Variants in SIPA1L2 observed in about 807,000 individuals in gnomAD.
SIPA1L2 encodes signal induced proliferation associated 1 like 2, also known as signal-induced proliferation-associated 1-like protein 2.
Under a neutral mutation model 163.9 loss-of-function variants are expected in SIPA1L2, and 56 were observed. The observed-to-expected ratio is 0.34, with a 90% CI of 0.28 to 0.43. SIPA1L2 has a LOEUF of 0.43. Among genes scored for constraint, SIPA1L2 ranks in the 20% least tolerant of loss-of-function variants. The pLI is 1.00. For missense variants in SIPA1L2, 1,974 were observed against 2,193.5 expected (o/e 0.90, Z 2.00); for synonymous variants, 877 against 865.7 (o/e 1.01, Z -0.23).
intron 2 of SIPA1L2, among the ~76,000 whole-genome samples, chr1:232,540,725 AAG>A (rs567809990): frequency 6.6e-6 from 1 of 152,060 alleles, no homozygotes; most frequent in Non-Finnish European, 1.5e-5. Flanking sequence ...AGGCAAATGC[AAG>A]AGAGAGAGAG....
intron 6 of SIPA1L2, 145 bp downstream of exon 6, chr1:232,483,647 G>GAA: frequency 1.2e-6 from 1 of 802,080 alleles, no homozygotes; most frequent in Non-Finnish European, 2.0e-6. Flanking sequence ...TTCATCTGAG[G>GAA]AAATCTAAAC....
intron 1 of SIPA1L2, among the ~76,000 whole-genome samples, chr1:232,584,574 G>A (rs1660554695): frequency 6.6e-6 from 1 of 152,154 alleles, no homozygotes; most frequent in Admixed American, 6.5e-5. Context: ...CATTCTGAAG[G>A]CTCTCATGTG....
rs544666017 is a variant in SIPA1L2, at chr1:232,406,413, T to C, written c.4763-2235A>G. Among the ~76,000 whole-genome samples the C allele has an allele frequency of 7.9e-4, 120 of 152,342 alleles. 1 individual carries two copies. Among genetic ancestry groups the C allele is most frequent in the African/African-American group, 2.7e-3 (113 of 41,586 alleles). On this transcript the variant is annotated intron_variant, in intron 19 of 22. Coordinates refer to ENST00000674635, the MANE Select transcript of SIPA1L2 (RefSeq NM_020808.5). ...CAAAACAATCCATCCTTTAAAATAA[T>C]CTTTTAAAAAACCTTATTTCAATGT...
intron 5 of SIPA1L2, among the ~76,000 whole-genome samples, chr1:232,486,103 T>C (rs1424530978): frequency 6.6e-6 from 1 of 152,136 alleles, no homozygotes; most frequent in African/African-American, 2.4e-5. Context: ...TGCTCTGGCA[T>C]CTGCAAGAGG....
At chr1:232,468,856 TAA>T (rs2102940308) in intron 8 of SIPA1L2, among the ~76,000 whole-genome samples, 1 of 152,336 alleles carries the variant, frequency 6.6e-6, no homozygotes, top group Non-Finnish European at 1.5e-5. Context: ...AGCTACAAAT[TAA>T]AGAGTCTTTT....
At chr1:232,518,750 C>T (rs1667322810) in intron 2 of SIPA1L2, among the ~76,000 whole-genome samples, 1 of 152,204 alleles carries the variant, frequency 6.6e-6, no homozygotes, top group African/African-American at 2.4e-5. Context: ...CTTCCTGCTT[C>T]TCTCTGTGTG....
intron 1 of SIPA1L2, among the ~76,000 whole-genome samples, chr1:232,589,709 C>G (rs1195305814): frequency 6.6e-6 from 1 of 152,164 alleles, no homozygotes; most frequent in Non-Finnish European, 1.5e-5. Flanking sequence ...GCTGATCTTC[C>G]CTCAACTCTC....
chr1:232,519,573 A>C (rs1197665809), intron 2 of SIPA1L2, among the ~76,000 whole-genome samples: 4 of 152,162 alleles, frequency 2.6e-5, no homozygotes, highest in African/African-American at 9.7e-5. Flanking sequence ...AGCAGCTGTG[A>C]ATCACACCTG....
intron 3 of SIPA1L2, among the ~76,000 whole-genome samples, chr1:232,513,549 T>A (rs1245689106): frequency 6.6e-6 from 1 of 152,086 alleles, no homozygotes; most frequent in Non-Finnish European, 1.5e-5. Context: ...TTACAAGGGA[T>A]GAAATCTAAA....
chr1:232,402,964 T>C (rs1178108014), intron 21 of SIPA1L2, among the ~76,000 whole-genome samples: 1 of 152,152 alleles, frequency 6.6e-6, no homozygotes, highest in East Asian at 1.9e-4. Flanking sequence ...ATGTCATGAA[T>C]ATAGGGGAAA....
chr1:232,542,090 T>C (rs1451975257), intron 2 of SIPA1L2, among the ~76,000 whole-genome samples: 1 of 152,250 alleles, frequency 6.6e-6, no homozygotes, highest in Non-Finnish European at 1.5e-5. Flanking sequence ...AATGATGTAA[T>C]GATTTAAAGT....
intron 2 of SIPA1L2, among the ~76,000 whole-genome samples, chr1:232,568,298 C>T (rs943988305): frequency 3.3e-5 from 5 of 152,190 alleles, no homozygotes; most frequent in African/African-American, 1.2e-4. Context: ...CCTGTGGGAT[C>T]TGACACTATC....
intron 1 of SIPA1L2, among the ~76,000 whole-genome samples, chr1:232,617,024 G>C (rs1362836868): frequency 2.0e-5 from 3 of 152,090 alleles, no homozygotes; most frequent in South Asian, 4.1e-4. Flanking sequence ...ACTGAACTCA[G>C]GAAATTTTTT....
chr1:232,496,099 T>C (rs1666176962), intron 3 of SIPA1L2, among the ~76,000 whole-genome samples: 1 of 152,252 alleles, frequency 6.6e-6, no homozygotes, highest in Non-Finnish European at 1.5e-5. Context: ...AACTCACTAC[T>C]CAATCACTGA....
Position 232,514,072 on chromosome 1 carries a change from C to T in SIPA1L2, c.1268G>A (p.Arg423Gln), listed in dbSNP as rs202223211. 1.4e-5 allele frequency: 23 copies of T among 1,614,032 alleles called. No individual in the cohort carries two copies. The highest frequency in any genetic ancestry group is 6.7e-5 in the African/African-American group (5 of 74,910). The stretch of plus-strand genomic sequence containing the variant: ...TGAGTTGGCTCGAGAGAGCGCAATC[C>T]GCCTGTCGCCTTCCCCTCCAGTCTC... ...RNETGGEGDR[R>Q]IALSRANSSS... Residue 423 changes from arginine to glutamine, a missense_variant, in exon 3 of 23, where the codon CGG (arginine) becomes CAG (glutamine). Coordinates refer to ENST00000674635, the MANE Select transcript of SIPA1L2 (RefSeq NM_020808.5).
At chr1:232,475,395 G>T (rs1437537590) in intron 7 of SIPA1L2, among the ~76,000 whole-genome samples, 1 of 152,128 alleles carries the variant, frequency 6.6e-6, no homozygotes, top group African/African-American at 2.4e-5. Flanking sequence ...ACATACATAT[G>T]CATGTACATA....
chr1:232,588,517 A>C (rs540213559), intron 1 of SIPA1L2, among the ~76,000 whole-genome samples: 34 of 152,354 alleles, frequency 2.2e-4, no homozygotes, highest in African/African-American at 8.2e-4. Flanking sequence ...CATGATATTC[A>C]AAATAATACC....
At position 232,457,658 on chromosome 1, in the gene SIPA1L2, A is replaced by T. The variant is rs75199237; in HGVS notation, c.3095+3229T>A. Reference sequence around the variant, plus strand: ...GCTATATGGTTAACAGTACTAAAGGATGTTTGATTTAAAGGGTTTGTATTT... The same window carrying T: ...GCTATATGGTTAACAGTACTAAAGGTTGTTTGATTTAAAGGGTTTGTATTT... On this transcript the variant is annotated intron_variant, in intron 10 of 22. Transcript: ENST00000674635. Among the ~76,000 whole-genome samples, 1,396 of 152,306 alleles carry T rather than the reference A, an allele frequency of 9.2e-3. 25 individuals carry two copies. The highest frequency in any genetic ancestry group is 0.032 in the African/African-American group (1,348 of 41,566).
At chr1:232,530,155 G>C (rs1033100488) in intron 2 of SIPA1L2, among the ~76,000 whole-genome samples, 2 of 150,722 alleles carry the variant, frequency 1.3e-5, no homozygotes, top group Non-Finnish European at 3.0e-5. Context: ...TTGCTCTGTC[G>C]CCAGGCTGGA....
Sources: allele counts gnomAD v4.1 joint callset (sites outside exome capture counted in the v4.1 genomes callset), GRCh38; gene constraint gnomAD v4.1.1; transcripts MANE v1.5; gene names NCBI Gene and HGNC (gene_info 2026-07-23, HGNC 2026-07-21).